FRAS1: variants seen among roughly 807,000 people sequenced by gnomAD.
The protein encoded by FRAS1 is Fraser extracellular matrix complex subunit 1, also known as extracellular matrix organizing protein FRAS1.
In FRAS1, 290 loss-of-function variants were observed where a neutral mutation model predicts 435.2. The ratio of observed to expected loss-of-function variants is 0.67; its 90% confidence interval spans 0.61 to 0.73. FRAS1 has a LOEUF of 0.73. Among genes scored for constraint, FRAS1 ranks in the 30% least tolerant of loss-of-function variants. The probability of loss-of-function intolerance (pLI) is 0.00; values close to 1 mark genes in which losing one functional copy is unlikely to be tolerated. For synonymous variants in FRAS1, 1,800 were observed against 1,851.0 expected (o/e 0.97, Z 0.71); for missense variants, 4,860 against 5,001.5 (o/e 0.97, Z 0.85).
At position 78,124,839 on chromosome 4, in the gene FRAS1, A is replaced by G. The variant is rs371694274; in HGVS notation, c.108+58823A>G. On this transcript the variant is annotated intron_variant, in intron 2 of 73. Transcript: ENST00000512123. ...GGTGATATCCCCTTTATCAATTTTTATGTTTCTTTTTTTATATCATCTATT... is the reference window on the plus strand; with the variant it reads ...GGTGATATCCCCTTTATCAATTTTTGTGTTTCTTTTTTTATATCATCTATT... Among the ~76,000 whole-genome samples the G allele has an allele frequency of 4.0e-4, 61 of 151,828 alleles. 2 individuals carry two copies. Among genetic ancestry groups the G allele is most frequent in the African/African-American group, 1.4e-3 (59 of 41,408 alleles).
chr4:78,458,477 C>T (rs897685119), intron 47 of FRAS1, among the ~76,000 whole-genome samples: 16 of 152,282 alleles, frequency 1.1e-4, no homozygotes, highest in East Asian at 7.7e-4. Context: ...CCAGATATCA[C>T]ATATGCTCAC....
At chr4:78,076,777 G>A (rs1740659492) in intron 2 of FRAS1, among the ~76,000 whole-genome samples, 1 of 152,174 alleles carries the variant, frequency 6.6e-6, no homozygotes, top group South Asian at 2.1e-4. Context: ...GATAACTCAA[G>A]TGCATAGGAA....
intron 2 of FRAS1, among the ~76,000 whole-genome samples, chr4:78,084,195 G>A (rs1455995353): frequency 6.6e-6 from 1 of 151,838 alleles, no homozygotes; most frequent in Non-Finnish European, 1.5e-5. Flanking sequence ...ATTTTTTTGG[G>A]GGACCACATT....
chr4:78,356,945 T>C (rs1730881678), intron 20 of FRAS1, among the ~76,000 whole-genome samples: 1 of 152,108 alleles, frequency 6.6e-6, no homozygotes, highest in Non-Finnish European at 1.5e-5. Flanking sequence ...AATCCAGACT[T>C]CTTTTCTTGA....
chr4:78,536,104 G>A (rs556773660), intron 71 of FRAS1, among the ~76,000 whole-genome samples: 38 of 151,780 alleles, frequency 2.5e-4, no homozygotes, highest in Non-Finnish European at 5.0e-4. Flanking sequence ...TTAGTTGCAT[G>A]TAAAGAGCTT....
chr4:78,185,142 G>A (rs1285945587), intron 2 of FRAS1, among the ~76,000 whole-genome samples: 1 of 152,228 alleles, frequency 6.6e-6, no homozygotes, highest in Non-Finnish European at 1.5e-5. Flanking sequence ...AGTACTTGTA[G>A]AATTAATGCT....
intron 2 of FRAS1, among the ~76,000 whole-genome samples, chr4:78,142,403 C>T (rs1246508286): frequency 1.3e-5 from 2 of 151,844 alleles, no homozygotes; most frequent in African/African-American, 2.4e-5. Flanking sequence ...ATCTCTGATA[C>T]CTTTTCATTT....
intron 2 of FRAS1, among the ~76,000 whole-genome samples, chr4:78,066,384 T>C (rs1219318105): frequency 6.6e-6 from 1 of 151,966 alleles, no homozygotes; most frequent in Non-Finnish European, 1.5e-5. Context: ...TTTGAACCCT[T>C]CTCCAAAAAA....
intron 18 of FRAS1, among the ~76,000 whole-genome samples, chr4:78,323,277 G>C (rs1028540628): frequency 1.3e-5 from 2 of 152,168 alleles, no homozygotes; most frequent in African/African-American, 4.8e-5. Context: ...AGTCCGAATT[G>C]TGCACATTTA....
chr4:78,198,260 A>C (rs1218217413), intron 2 of FRAS1, among the ~76,000 whole-genome samples: 4 of 152,192 alleles, frequency 2.6e-5, no homozygotes, highest in Non-Finnish European at 4.4e-5. Context: ...CAGTAACTCC[A>C]GCCTCTAGCC....
chr4:78,470,102 T>C lies in FRAS1; in HGVS notation c.7371+11T>C, dbSNP rs7664505. The C allele has an allele frequency of 0.99, 1,566,856 of 1,580,422 alleles. 777,292 individuals carry two copies. Among genetic ancestry groups the C allele is most frequent in the East Asian group, 1 (44,429 of 44,430 alleles). On this transcript the variant is annotated intron_variant, in intron 51 of 73. Transcript: ENST00000512123. ...TACATGGATGGCAAGGTAAGGCCTG[T>C]CCCTCTGTCATGTTCACACCACCCA...
At chr4:78,178,475 C>A (rs771038424) in intron 2 of FRAS1, among the ~76,000 whole-genome samples, 6 of 152,178 alleles carry the variant, frequency 3.9e-5, no homozygotes, top group Non-Finnish European at 7.3e-5. Flanking sequence ...AAAATTACTT[C>A]ATTTCTGAAC....
chr4:78,181,300 A>C (rs1721988892), intron 2 of FRAS1: 1 of 1,606,388 alleles, frequency 6.2e-7, no homozygotes, highest in Non-Finnish European at 8.5e-7. Context: ...CCACTGGATG[A>C]TGTTCTTCAC....
At chr4:78,278,514 A>G in intron 9 of FRAS1, 141 bp from the exon 10 acceptor site, 1 of 613,830 alleles carries the variant, frequency 1.6e-6, no homozygotes, top group Non-Finnish European at 2.9e-6. Flanking sequence ...GGACAGGGGG[A>G]GATGAAACAG....
At chr4:78,440,803 C>T (rs1734628075) in intron 40 of FRAS1, among the ~76,000 whole-genome samples, 1 of 152,192 alleles carries the variant, frequency 6.6e-6, no homozygotes, top group Non-Finnish European at 1.5e-5. Context: ...CATTCTCTAG[C>T]TGTGGGCTTT....
intron 47 of FRAS1, among the ~76,000 whole-genome samples, chr4:78,455,426 G>GT (rs947390483): frequency 6.7e-6 from 1 of 150,054 alleles, no homozygotes; most frequent in Admixed American, 6.6e-5. Flanking sequence ...GAGGAGGGAG[G>GT]GGGTTCTGTT....
At chr4:78,476,238 A>C (rs927696698) in intron 54 of FRAS1, among the ~76,000 whole-genome samples, 10 of 152,204 alleles carry the variant, frequency 6.6e-5, no homozygotes, top group Non-Finnish European at 1.5e-5. Context: ...TAGAAAGAGC[A>C]GGTTGACCAC....
rs984066592 is a variant in FRAS1, at chr4:78,137,673, C to T, written c.108+71657C>T. On this transcript the variant is annotated intron_variant, in intron 2 of 73. Coordinates refer to ENST00000512123, the MANE Select transcript of FRAS1 (RefSeq NM_025074.7). ...GCATTGTTGGGTGTCTCTTCACTTA[C>T]TCTGTGAAGGAGAGATGAATTTGAG... Among the ~76,000 whole-genome samples the T allele has an allele frequency of 1.5e-4, 23 of 152,300 alleles. No homozygotes were observed. In the South Asian group the frequency reaches 1.9e-3, roughly 12 times the overall value.
rs535419267 is a variant in FRAS1, at chr4:78,328,128, A to T, written c.2138-5144A>T. Among the ~76,000 whole-genome samples the T allele has an allele frequency of 9.8e-5, 15 of 152,304 alleles. No homozygotes were observed. The South Asian group carries it at 2.9e-3, about 29-fold the overall frequency. On this transcript the variant is annotated intron_variant, in intron 18 of 73. Coordinates refer to ENST00000512123, the MANE Select transcript of FRAS1 (RefSeq NM_025074.7). Reference sequence around the variant, plus strand: ...GACTTTCTTCTGGACTTCTTGGCCCACAAGCCTTTCAACTTGTTTGTCTTC... The same window carrying T: ...GACTTTCTTCTGGACTTCTTGGCCCTCAAGCCTTTCAACTTGTTTGTCTTC...
Sources: gnomAD v4.1 joint callset for allele counts (sites outside exome capture counted in the v4.1 genomes callset) on GRCh38, gnomAD v4.1.1 for gene constraint, MANE v1.5 for transcripts, NCBI Gene and HGNC (gene_info 2026-07-23, HGNC 2026-07-21) for gene names.